The following KANSL1 variants were observed in gnomAD, a reference collection of about 807,000 sequenced individuals.
KANSL1 encodes MLL1/MLL complex subunit KANSL1.
In KANSL1, 22 loss-of-function variants were observed where a neutral mutation model predicts 103.6. The ratio of observed to expected loss-of-function variants is 0.21; its 90% CI spans 0.15 to 0.30. The LOEUF is 0.30. KANSL1 is among the 10% of genes least tolerant of loss of function. The pLI is 1.00. For missense variants in KANSL1, 1,337 were observed against 1,399.8 expected (o/e 0.96, Z 0.72); for synonymous variants, 600 against 527.6 (o/e 1.14, Z -1.88).
At chr17:46,141,462 G>A (rs1257023083) in intron 2 of KANSL1, among the ~76,000 whole-genome samples, 1 of 152,178 alleles carries the variant, frequency 6.6e-6, no homozygotes, top group Non-Finnish European at 1.5e-5. Flanking sequence ...CTGCTTAAGG[G>A]TCTAAGACAA....
intron 1 of KANSL1, among the ~76,000 whole-genome samples, chr17:46,213,465 T>A (rs1156623370): frequency 6.8e-6 from 1 of 147,156 alleles, no homozygotes; most frequent in Non-Finnish European, 1.5e-5. Context: ...CACGCCCGGC[T>A]AATTTTTTTT....
At chr17:46,084,663 C>T (rs981076998) in intron 3 of KANSL1, among the ~76,000 whole-genome samples, 13 of 117,560 alleles carry the variant, frequency 1.1e-4, no homozygotes, top group African/African-American at 3.1e-4. Flanking sequence ...GTCTGGGCAA[C>T]GAGAGCGAAA....
At chr17:46,070,885 G>A (rs1039879747) in intron 4 of KANSL1, among the ~76,000 whole-genome samples, 6 of 151,980 alleles carry the variant, frequency 3.9e-5, no homozygotes, top group African/African-American at 2.4e-5. Flanking sequence ...TTTCTGGTAG[G>A]GATTATGAGA....
At chr17:46,034,101 A>AG (rs959618742) in intron 11 of KANSL1, 60 bp downstream of exon 11, 4 of 1,596,006 alleles carry the variant, frequency 2.5e-6, no homozygotes, top group African/African-American at 2.7e-5. Context: ...AGAAGAGAAG[A>AG]GGGAAAAAGG....
At chr17:46,146,609 G>A (rs1033525874) in intron 2 of KANSL1, among the ~76,000 whole-genome samples, 6 of 147,054 alleles carry the variant, frequency 4.1e-5, no homozygotes, top group Admixed American at 1.4e-4. Flanking sequence ...CGAAGCCGGC[G>A]GATCACGAGG....
chr17:46,177,238 A>G (rs566554155), intron 1 of KANSL1, among the ~76,000 whole-genome samples: 45 of 152,360 alleles, frequency 3.0e-4, no homozygotes, highest in African/African-American at 9.4e-4. Flanking sequence ...ACGTACCTGG[A>G]GCAACCACCC....
chr17:46,155,485 C>A (rs1485685712), intron 2 of KANSL1, among the ~76,000 whole-genome samples: 1 of 152,102 alleles, frequency 6.6e-6, no homozygotes, highest in African/African-American at 2.4e-5. Context: ...CTTACCCCAA[C>A]CCCCAAAAGG....
At chr17:46,214,586 A>C (rs928029533) in intron 1 of KANSL1, among the ~76,000 whole-genome samples, 4 of 152,232 alleles carry the variant, frequency 2.6e-5, no homozygotes, top group African/African-American at 4.8e-5. Flanking sequence ...CCTGGGAGGC[A>C]GAGGTTGCAG....
chr17:46,120,665 T>G (rs886808027), intron 2 of KANSL1, among the ~76,000 whole-genome samples: 1 of 152,230 alleles, frequency 6.6e-6, no homozygotes, highest in Non-Finnish European at 1.5e-5. Flanking sequence ...TTTAATGAAC[T>G]GAGTAGACAG....
chr17:46,064,107 A>G (rs2078286618), intron 6 of KANSL1, among the ~76,000 whole-genome samples: 1 of 151,092 alleles, frequency 6.6e-6, no homozygotes, highest in Non-Finnish European at 1.5e-5. Flanking sequence ...CAATATGAAA[A>G]CCCTGCCAAA....
chr17:46,108,697 C>T (rs16940904), intron 2 of KANSL1, among the ~76,000 whole-genome samples: 34,332 of 151,726 alleles, frequency 0.23, 4,447 homozygotes, highest in African/African-American at 0.32. Context: ...GGGTAACAGG[C>T]TGGAACTATG....
At chr17:46,097,032 C>A (rs1456881297) in intron 2 of KANSL1, among the ~76,000 whole-genome samples, 1 of 152,190 alleles carries the variant, frequency 6.6e-6, no homozygotes, top group Non-Finnish European at 1.5e-5. Flanking sequence ...CTATGCCCAG[C>A]CATGAAATTC....
intron 1 of KANSL1, among the ~76,000 whole-genome samples, chr17:46,177,533 A>G (rs1414347782): frequency 6.6e-6 from 1 of 152,242 alleles, no homozygotes; most frequent in Admixed American, 6.5e-5. Flanking sequence ...AGCTATATTT[A>G]CTAACATAGA....
chr17:46,147,548 C>A (rs183054605), intron 2 of KANSL1, among the ~76,000 whole-genome samples: 1 of 142,734 alleles, frequency 7.0e-6, no homozygotes, highest in African/African-American at 2.6e-5. Context: ...ACCCCTCCAG[C>A]CTGGGTGACA....
intron 6 of KANSL1, among the ~76,000 whole-genome samples, chr17:46,063,801 C>T (rs922284142): frequency 2.0e-5 from 3 of 151,630 alleles, no homozygotes; most frequent in Non-Finnish European, 2.9e-5. Flanking sequence ...CCACCACATA[C>T]TTCAGAAAAT....
intron 1 of KANSL1, among the ~76,000 whole-genome samples, chr17:46,199,200 A>G (rs2047713132): frequency 6.6e-6 from 1 of 152,266 alleles, no homozygotes; most frequent in Non-Finnish European, 1.5e-5. Flanking sequence ...GAGATTGCCA[A>G]AGCGTCAAAG....
At chr17:46,176,877 G>T (rs1457673096) in intron 1 of KANSL1, among the ~76,000 whole-genome samples, 1 of 152,048 alleles carries the variant, frequency 6.6e-6, no homozygotes, top group Non-Finnish European at 1.5e-5. Flanking sequence ...GTAAGGGGGT[G>T]GGGGAGGAGA....
chr17:46,194,489 G>T (rs1229740523), upstream of KANSL1, among the ~76,000 whole-genome samples: 1 of 152,174 alleles, frequency 6.6e-6, no homozygotes, highest in East Asian at 1.9e-4. Context: ...TAAAATAATG[G>T]AACCTTTCCT....
At chr17:46,115,491 C>T (rs901879853) in intron 2 of KANSL1, among the ~76,000 whole-genome samples, 3 of 152,134 alleles carry the variant, frequency 2.0e-5, no homozygotes, top group African/African-American at 7.2e-5. Context: ...CCCCACTGTA[C>T]TGCTCCTGAA....
Sources: allele counts gnomAD v4.1 joint callset (sites outside exome capture counted in the v4.1 genomes callset), GRCh38; gene constraint gnomAD v4.1.1; transcripts MANE v1.5; gene names NCBI Gene and HGNC (gene_info 2026-07-23, HGNC 2026-07-21).